The following KCNMA1 variants were observed in gnomAD, a reference collection of about 807,000 sequenced individuals.
The protein encoded by KCNMA1 is potassium calcium-activated channel subfamily M alpha 1.
Under a neutral mutation model 140.0 loss-of-function variants are expected in KCNMA1, and 29 were observed. That is an observed-to-expected ratio of 0.21 (90% CI 0.15 to 0.28). The LOEUF (loss-of-function observed/expected upper bound fraction) is 0.28. KCNMA1 is among the 10% of genes least tolerant of loss of function. KCNMA1 has a pLI of 1.00. For missense variants in KCNMA1, 880 were observed against 1,602.2 expected (o/e 0.55, Z 7.70); for synonymous variants, 612 against 611.9 (o/e 1.00, Z 0.00).
At chr10:77,417,958 T>C (rs1603531715) in intron 1 of KCNMA1, among the ~76,000 whole-genome samples, 2 of 152,246 alleles carry the variant, frequency 1.3e-5, no homozygotes, top group South Asian at 2.1e-4. Flanking sequence ...GGAACCAGGC[T>C]CCCAGAGCTG....
chr10:77,042,009 T>G (rs1325361328), intron 14 of KCNMA1, among the ~76,000 whole-genome samples: 3 of 152,212 alleles, frequency 2.0e-5, no homozygotes, highest in Non-Finnish European at 2.9e-5. Flanking sequence ...CCTGGCTCTG[T>G]GCTCTTTGTC....
At chr10:77,399,033 C>T (rs1307162969) in intron 2 of KCNMA1, among the ~76,000 whole-genome samples, 1 of 152,054 alleles carries the variant, frequency 6.6e-6, no homozygotes, top group African/African-American at 2.4e-5. Context: ...CAAGCCAGAG[C>T]AGGGGTGCAA....
chr10:77,427,117 A>G (rs954238074), intron 1 of KCNMA1, among the ~76,000 whole-genome samples: 7 of 152,196 alleles, frequency 4.6e-5, no homozygotes, highest in Non-Finnish European at 7.3e-5. Flanking sequence ...GTGCACAGCA[A>G]TTCTTCCCAA....
intron 1 of KCNMA1, among the ~76,000 whole-genome samples, chr10:77,633,673 C>T (rs909010816): frequency 2.6e-5 from 4 of 152,164 alleles, no homozygotes; most frequent in African/African-American, 9.7e-5. Context: ...TTTTCTCAGG[C>T]ACAGCCATGG....
At chr10:77,335,078 C>G (rs1247371576) in intron 2 of KCNMA1, among the ~76,000 whole-genome samples, 1 of 152,138 alleles carries the variant, frequency 6.6e-6, no homozygotes, top group Non-Finnish European at 1.5e-5. Context: ...TCTCAGCAGG[C>G]ACAGGAGTGT....
At chr10:77,499,946 T>C (rs900859661) in intron 1 of KCNMA1, among the ~76,000 whole-genome samples, 2 of 152,130 alleles carry the variant, frequency 1.3e-5, no homozygotes, top group Non-Finnish European at 2.9e-5. Flanking sequence ...TGTAATATTA[T>C]GGAATGGGGG....
chr10:77,036,579 T>C (rs1264022816), intron 15 of KCNMA1, among the ~76,000 whole-genome samples: 1 of 152,254 alleles, frequency 6.6e-6, no homozygotes, highest in Non-Finnish European at 1.5e-5. Flanking sequence ...GTATATTTTA[T>C]CTGTGCTTTA....
intron 3 of KCNMA1, among the ~76,000 whole-genome samples, chr10:77,227,299 T>C (rs545298602): frequency 1.3e-5 from 2 of 152,292 alleles, no homozygotes; most frequent in African/African-American, 4.8e-5. Flanking sequence ...CAGGTTCTGG[T>C]TTTGAGGTTC....
intron 2 of KCNMA1, among the ~76,000 whole-genome samples, chr10:77,290,025 GT>G (rs1160180568): frequency 6.6e-6 from 1 of 152,196 alleles, no homozygotes; most frequent in Non-Finnish European, 1.5e-5. Context: ...GCTGCCAGGG[GT>G]TAGAGATGGA....
At chr10:77,265,240 C>T (rs180875360) in intron 2 of KCNMA1, among the ~76,000 whole-genome samples, 55 of 152,112 alleles carry the variant, frequency 3.6e-4, no homozygotes, top group East Asian at 1.4e-3. Context: ...TAAGTAGAGA[C>T]GGGGTTTCAC....
intron 14 of KCNMA1, among the ~76,000 whole-genome samples, chr10:77,067,002 A>G (rs7098075): frequency 0.029 from 4,340 of 152,228 alleles, 233 homozygotes; most frequent in East Asian, 0.22. Context: ...AGCAGAGCTT[A>G]CACCCACCAG....
chr10:77,486,351 A>G (rs1322315283), intron 1 of KCNMA1, among the ~76,000 whole-genome samples: 1 of 152,136 alleles, frequency 6.6e-6, no homozygotes, highest in South Asian at 2.1e-4. Context: ...CTGGTGCTAC[A>G]CTTTTCCTTT....
At chr10:77,069,086 G>A (rs1318116858) in intron 14 of KCNMA1, among the ~76,000 whole-genome samples, 1 of 152,174 alleles carries the variant, frequency 6.6e-6, no homozygotes, top group Non-Finnish European at 1.5e-5. Context: ...AGGAAGCCAA[G>A]TAGAGAGTAA....
At chr10:77,621,757 A>C (rs2091462764) in intron 1 of KCNMA1, among the ~76,000 whole-genome samples, 1 of 152,180 alleles carries the variant, frequency 6.6e-6, no homozygotes, top group African/African-American at 2.4e-5. Context: ...GCGAAACTCC[A>C]TCTCCACCAA....
intron 20 of KCNMA1, among the ~76,000 whole-genome samples, chr10:76,968,036 A>C (rs1035256274): frequency 6.6e-6 from 1 of 152,150 alleles, no homozygotes; most frequent in African/African-American, 2.4e-5. Context: ...GTCCTGTAAA[A>C]ACCATACTTG....
chr10:76,896,021 G>T (rs1480309901), intron 25 of KCNMA1, among the ~76,000 whole-genome samples: 1 of 152,228 alleles, frequency 6.6e-6, no homozygotes, highest in Non-Finnish European at 1.5e-5. Flanking sequence ...CTGCTGTGCA[G>T]GCGTTGTCAT....
chr10:77,487,628 T>C (rs2098476651), intron 1 of KCNMA1, among the ~76,000 whole-genome samples: 1 of 152,248 alleles, frequency 6.6e-6, no homozygotes, highest in African/African-American at 2.4e-5. Flanking sequence ...CTCACTGTAC[T>C]GTGAGTTCCT....
intron 2 of KCNMA1, among the ~76,000 whole-genome samples, chr10:77,396,881 A>G (rs2096073133): frequency 6.6e-6 from 1 of 152,132 alleles, no homozygotes; most frequent in African/African-American, 2.4e-5. Context: ...GAGTGATTCT[A>G]AGGGCTCTCT....
chr10:77,262,929 T>C (rs572968582), intron 2 of KCNMA1, among the ~76,000 whole-genome samples: 5 of 152,294 alleles, frequency 3.3e-5, no homozygotes, highest in Non-Finnish European at 7.4e-5. Context: ...GATTGCACAA[T>C]GTGAATGTAC....
Sources: gnomAD v4.1 joint callset for allele counts (sites outside exome capture counted in the v4.1 genomes callset) on GRCh38, gnomAD v4.1.1 for gene constraint, MANE v1.5 for transcripts, NCBI Gene and HGNC (gene_info 2026-07-23, HGNC 2026-07-21) for gene names.